SLC5A10: variants seen among roughly 807,000 people sequenced by gnomAD.
SLC5A10 encodes solute carrier family 5 member 10.
SLC5A10 carries 55 observed loss-of-function variants against 68.9 expected under a neutral mutation model. The observed-to-expected ratio is 0.80, with a 90% CI of 0.64 to 1.00. The LOEUF is 1.00. SLC5A10 is among the 50% of genes least tolerant of loss of function. The probability of loss-of-function intolerance (pLI) is 0.00; values close to 1 mark genes in which losing one functional copy is unlikely to be tolerated. For synonymous variants in SLC5A10, 344 were observed against 344.8 expected (o/e 1.00, Z 0.02); for missense variants, 732 against 819.3 (o/e 0.89, Z 1.30).
chr17:18,978,083 T>C, intron 9 of SLC5A10: 1 of 1,516,672 alleles, frequency 6.6e-7, no homozygotes, highest in Non-Finnish European at 8.8e-7. Context: ...TTTGGGGAGC[T>C]CCAGGACCCA....
intron 9 of SLC5A10, 66 bp downstream of exon 9, chr17:18,977,055 C>T (rs749776194): frequency 1.9e-6 from 3 of 1,587,600 alleles, no homozygotes; most frequent in Middle Eastern, 1.8e-4. Flanking sequence ...CCTTGTCCTG[C>T]AAACGTCACC....
chr17:18,953,529 T>A (rs1016794518), intron 1 of SLC5A10: 1 of 152,692 alleles, frequency 6.5e-6, no homozygotes, highest in African/African-American at 2.4e-5. Flanking sequence ...GGCCTCAGTG[T>A]TCTGATCTGT....
chr17:18,959,813 C>T (rs571647586), intron 4 of SLC5A10, 150 bp downstream of exon 4: 14 of 669,622 alleles, frequency 2.1e-5, no homozygotes, highest in Non-Finnish European at 3.3e-5. Context: ...TTTCTATCAA[C>T]CTGCTAAGGT....
chr17:18,984,772 CG>C (rs2043228079), intron 9 of SLC5A10, among the ~76,000 whole-genome samples: 2 of 152,246 alleles, frequency 1.3e-5, no homozygotes, highest in Admixed American at 1.3e-4. Flanking sequence ...CCAAGTCATG[CG>C]GCCTGGCCCT....
In SLC5A10 at chr17:18,969,361, C is replaced by G. The variant is rs2042781144; in HGVS notation, c.579C>G (p.Ile193Met). 6.2e-7 allele frequency: 1 copy of G among 1,613,640 alleles called. No individual in the cohort carries two copies. Among genetic ancestry groups the G allele is most frequent in the Non-Finnish European group, 8.5e-7 (1 of 1,180,016 alleles). The change falls in exon 7 of 15, where the codon ATC becomes ATG. Residue 193 changes from isoleucine to methionine, a missense_variant. Ile to Met is a conservative substitution (Grantham distance 10). Coordinates refer to ENST00000395645, the MANE Select transcript of SLC5A10 (RefSeq NM_001042450.4). ...TGGCAGGGGGCCTGGCTGCTGTAAT[C>G]TACACGGACGCCCTGCAGACGCTCA... ...YTIAGGLAAV[I>M]YTDALQTLIM...
At chr17:18,978,504 G>T in intron 9 of SLC5A10, 1 of 1,613,170 alleles carries the variant, frequency 6.2e-7, no homozygotes, top group Non-Finnish European at 8.5e-7. Flanking sequence ...AGCTCGGGGA[G>T]TTCCCCTGGA....
intron 11 of SLC5A10, 30 bp downstream of exon 11, chr17:19,015,229 G>GGGGCCCGTAC: frequency 7.8e-7 from 1 of 1,284,166 alleles, no homozygotes; most frequent in Non-Finnish European, 1.1e-6. Flanking sequence ...TACGGGGGTG[G>GGGGCCCGTAC]GGGAACACTA....
chr17:18,958,303 G>T (rs1018583447), intron 1 of SLC5A10, among the ~76,000 whole-genome samples: 1 of 151,830 alleles, frequency 6.6e-6, no homozygotes. Context: ...CAAGTGATCC[G>T]CTTACCTCCG....
intron 9 of SLC5A10, among the ~76,000 whole-genome samples, chr17:18,981,828 G>C (rs184414006): frequency 1.3e-5 from 2 of 152,118 alleles, no homozygotes; most frequent in South Asian, 2.1e-4. Flanking sequence ...AGCTGGCCAC[G>C]GCCCAGGACA....
chr17:18,990,376 C>T (rs113788545), intron 9 of SLC5A10, among the ~76,000 whole-genome samples: 26 of 152,176 alleles, frequency 1.7e-4, no homozygotes, highest in Admixed American at 1.3e-3. Flanking sequence ...CCTGGGATCT[C>T]CCAGACCCAA....
intron 9 of SLC5A10, among the ~76,000 whole-genome samples, chr17:19,006,886 A>G (rs944469730): frequency 1.4e-4 from 22 of 152,226 alleles, no homozygotes; most frequent in African/African-American, 5.1e-4. Context: ...ATTGCTGACT[A>G]GTATTCCATG....
At chr17:19,020,234 C>T in intron 14 of SLC5A10, 22 bp downstream of exon 14, 1 of 1,613,824 alleles carries the variant, frequency 6.2e-7, no homozygotes. Flanking sequence ...ACCCTAGGCA[C>T]TCCTCCACCT....
chr17:18,954,272 G>A (rs964631927), intron 1 of SLC5A10: 6 of 152,412 alleles, frequency 3.9e-5, no homozygotes, highest in Admixed American at 3.9e-4. Flanking sequence ...GAGGGAAAGA[G>A]GAGGGGAGAC....
Position 18,976,945 on chromosome 17 carries a change from G to A in SLC5A10, c.938G>A (p.Gly313Asp). 3 of 1,613,316 alleles carry A rather than the reference G, an allele frequency of 1.9e-6. No individual in the cohort carries two copies. Among genetic ancestry groups the A allele is most frequent in the Non-Finnish European group, 2.5e-6 (3 of 1,179,806 alleles). ...LASYLKMLPMGLIIMPGMISR... is the reference protein window; with the variant it reads ...LASYLKMLPMDLIIMPGMISR... ...AGCTACCTCAAGATGCTCCCCATGG[G>A]CCTGATCATCATGCCGGGCATGATC... The change falls in exon 9 of 15, where the codon GGC becomes GAC. Residue 313 changes from glycine (G) to aspartate (D), a missense_variant. By Grantham distance (94) the Gly-to-Asp change is moderately conservative. Coordinates refer to ENST00000395645, the MANE Select transcript of SLC5A10 (RefSeq NM_001042450.4).
rs2044164069 is a variant in SLC5A10, at chr17:19,017,403, A to C, written c.1242-2020A>C. The C allele has an allele frequency of 1.3e-6, 2 of 1,549,680 alleles. No homozygotes were observed. The highest frequency in any genetic ancestry group is 2.4e-5 in the South Asian group (2 of 84,014). On this transcript the variant is annotated intron_variant, in intron 11 of 14. Transcript: ENST00000395645. The surrounding 1 kb of genome is among the most constrained non-coding windows in gnomAD (Gnocchi z 5.6). ...GTGGTCATGGATCTCTGGTAGGGTG[A>C]ATGGCCTGACAACAGTCTCTGTCAG...
chr17:18,969,763 G>A (rs1328932757), intron 7 of SLC5A10: 1 of 283,140 alleles, frequency 3.5e-6, no homozygotes. Flanking sequence ...CACACAACCA[G>A]GAGGCCATAA....
intron 9 of SLC5A10, among the ~76,000 whole-genome samples, chr17:18,999,608 C>T (rs1001813683): frequency 3.9e-5 from 6 of 152,184 alleles, no homozygotes; most frequent in African/African-American, 1.2e-4. Flanking sequence ...GCACCTGGCG[C>T]GGGGCTGGCA....
chr17:18,976,790 G>A, intron 8 of SLC5A10, 64 bp from the exon 9 acceptor site: 2 of 1,591,544 alleles, frequency 1.3e-6, no homozygotes, highest in South Asian at 1.1e-5. Flanking sequence ...GGCCCACCAA[G>A]GACCAATCCT....
chr17:19,014,291 G>A lies in SLC5A10; in HGVS notation c.1091-758G>A, dbSNP rs1487713703. Among the ~76,000 whole-genome samples, 5 of 152,178 alleles carry A rather than the reference G, an allele frequency of 3.3e-5. No individual in the cohort carries two copies. The East Asian group carries it at 9.6e-4, about 29-fold the overall frequency. ...CACACAGCACAGAGTGGGCAGTTGAGCATCCTTCCACCTTCCTTAGGGCTC... is the reference window on the plus strand; with the variant it reads ...CACACAGCACAGAGTGGGCAGTTGAACATCCTTCCACCTTCCTTAGGGCTC... On this transcript the variant is annotated intron_variant, in intron 10 of 14. Coordinates refer to ENST00000395645, the MANE Select transcript of SLC5A10 (RefSeq NM_001042450.4).
Sources: allele counts gnomAD v4.1 joint callset (sites outside exome capture counted in the v4.1 genomes callset), GRCh38; gene constraint gnomAD v4.1.1; non-coding constraint Gnocchi (gnomAD v3.1); transcripts MANE v1.5; gene names NCBI Gene and HGNC (gene_info 2026-07-23, HGNC 2026-07-21).